The following ANO6 variants were observed in gnomAD, a reference collection of about 807,000 sequenced individuals.
ANO6 encodes the protein anoctamin 6.
A neutral mutation model predicts 117.5 loss-of-function variants in ANO6; 106 were observed. The ratio of observed to expected loss-of-function variants is 0.90; its 90% confidence interval spans 0.77 to 1.06. The LOEUF (loss-of-function observed/expected upper bound fraction) is 1.06, where lower values mean the gene tolerates loss of function less well. Among genes scored for constraint, ANO6 ranks in the 50% least tolerant of loss-of-function variants. The pLI, the probability that ANO6 is intolerant of heterozygous loss-of-function variation, is 0.00. For synonymous variants in ANO6, 367 were observed against 385.1 expected, an observed-to-expected ratio of 0.95 and a Z score of 0.55; for missense variants, 955 against 1,121.1, an observed-to-expected ratio of 0.85 and a Z score of 2.12.
chr12:45,309,393 C>G (rs1939777713), intron 2 of ANO6, among the ~76,000 whole-genome samples: 2 of 152,138 alleles, frequency 1.3e-5, no homozygotes, highest in Admixed American at 6.6e-5. Context: ...AATTTTCTTC[C>G]AAGAACATTG....
At chr12:45,389,093 T>C (rs1942374765) in intron 11 of ANO6, among the ~76,000 whole-genome samples, 3 of 152,186 alleles carry the variant, frequency 2.0e-5, no homozygotes, top group African/African-American at 4.8e-5. Context: ...AAGAAAATGC[T>C]TTTACCAAGA....
At chr12:45,315,591 C>G (rs1939998427) in intron 2 of ANO6, among the ~76,000 whole-genome samples, 3 of 152,054 alleles carry the variant, frequency 2.0e-5, no homozygotes, top group Admixed American at 2.0e-4. Context: ...ACTCACTCTC[C>G]TCCTCACACT....
chr12:45,401,852 A>AT lies in ANO6; in HGVS notation c.1446dup (p.Val483CysfsTer11), dbSNP rs1942797751. The stretch of plus-strand genomic sequence containing the variant: ...CATTGTCTATAGGCTCTCGGTGTTC[A>AT]TTGTATTTTCTGCAAAACTTCCCAA... On this transcript the variant is annotated frameshift_variant, in exon 13 of 20. Transcript: ENST00000320560. LOFTEE classifies it high-confidence loss of function. The AT allele has an allele frequency of 1.2e-6, 2 of 1,613,920 alleles. No homozygotes were observed. Among genetic ancestry groups the AT allele is most frequent in the African/African-American group, 1.3e-5 (1 of 74,960 alleles).
chr12:45,275,769 C>T (rs1443257140), intron 1 of ANO6, among the ~76,000 whole-genome samples: 4 of 152,124 alleles, frequency 2.6e-5, no homozygotes, highest in East Asian at 1.9e-4. Flanking sequence ...TTCCCCCTTC[C>T]CTACTGGCCA....
At chr12:45,323,504 G>A (rs1940351096) in intron 2 of ANO6, among the ~76,000 whole-genome samples, 2 of 152,150 alleles carry the variant, frequency 1.3e-5, no homozygotes, top group South Asian at 2.1e-4. Flanking sequence ...AATAAAGAAC[G>A]GTTACCTATT....
intron 17 of ANO6, among the ~76,000 whole-genome samples, chr12:45,417,958 A>C (rs1317175673): frequency 6.6e-6 from 1 of 152,172 alleles, no homozygotes; most frequent in African/African-American, 2.4e-5. Flanking sequence ...CCAGAGCCCT[A>C]TTTTATTATT....
At chr12:45,298,374 T>G (rs1939366636) in intron 1 of ANO6, among the ~76,000 whole-genome samples, 2 of 152,238 alleles carry the variant, frequency 1.3e-5, no homozygotes, top group South Asian at 4.1e-4. Flanking sequence ...AATTTTGTCT[T>G]GATTCTGCTC....
intron 1 of ANO6, among the ~76,000 whole-genome samples, chr12:45,266,367 T>C (rs1938214336): frequency 6.6e-6 from 1 of 152,206 alleles, no homozygotes; most frequent in Non-Finnish European, 1.5e-5. Context: ...TACCATACTT[T>C]TAAAAATATA....
intron 2 of ANO6, among the ~76,000 whole-genome samples, chr12:45,327,818 G>A (rs1366749364): frequency 1.3e-5 from 2 of 151,694 alleles, no homozygotes; most frequent in South Asian, 2.1e-4. Flanking sequence ...ATTTTTTTGT[G>A]TTGAGTATAT....
rs1184386713 is a variant in ANO6 at position 45,247,442 on chromosome 12, A to G, written c.70+31051A>G. ...TTGGTTGCTAAGATTAAGGATCAGAAAAGTAATTTGCCTAATGTTATGTAG... is the reference window on the plus strand; with the variant it reads ...TTGGTTGCTAAGATTAAGGATCAGAGAAGTAATTTGCCTAATGTTATGTAG... On this transcript the variant is annotated intron_variant, in intron 1 of 19. Coordinates refer to ENST00000320560, the MANE Select transcript of ANO6 (RefSeq NM_001025356.3). Among the ~76,000 whole-genome samples the G allele has an allele frequency of 2.0e-5, 3 of 152,198 alleles. No individual in the cohort carries two copies. The East Asian group carries it at 5.8e-4, about 29-fold the overall frequency.
chr12:45,372,686 T>G (rs1198724469), intron 9 of ANO6, among the ~76,000 whole-genome samples: 16 of 151,958 alleles, frequency 1.1e-4, no homozygotes, highest in African/African-American at 3.9e-4. Context: ...CCACCAGGCC[T>G]GCCCTAAAAG....
At chr12:45,300,774 C>G (rs1939456580) in intron 1 of ANO6, among the ~76,000 whole-genome samples, 1 of 152,150 alleles carries the variant, frequency 6.6e-6, no homozygotes, top group South Asian at 2.1e-4. Flanking sequence ...AGAACATTTT[C>G]TTACATAGCA....
chr12:45,297,966 T>A (rs1045395257), intron 1 of ANO6, among the ~76,000 whole-genome samples: 4 of 152,210 alleles, frequency 2.6e-5, no homozygotes, highest in African/African-American at 7.2e-5. Context: ...GAACCTTGTC[T>A]GGTTCTTCTT....
intron 16 of ANO6, among the ~76,000 whole-genome samples, chr12:45,411,760 G>C (rs1315651109): frequency 6.6e-6 from 1 of 152,146 alleles, no homozygotes; most frequent in Non-Finnish European, 1.5e-5. Context: ...CTGAGCCTCA[G>C]CTGGGCCCCT....
At chr12:45,269,286 T>C (rs1023397834) in intron 1 of ANO6, among the ~76,000 whole-genome samples, 17 of 152,240 alleles carry the variant, frequency 1.1e-4, no homozygotes, top group African/African-American at 3.6e-4. Context: ...CATTTTCACC[T>C]GGGATTTCTA....
chr12:45,429,616 G>T lies in ANO6; in HGVS notation c.*305G>T. Reference sequence around the variant, plus strand: ...AAAACCACCCCTTCTAAAGTAGAATGGATTCTTTTTTTTCTGTTTGATTAT... The same window carrying T: ...AAAACCACCCCTTCTAAAGTAGAATTGATTCTTTTTTTTCTGTTTGATTAT... On this transcript the variant is annotated 3_prime_UTR_variant, in exon 20 of 20. Transcript: ENST00000320560. 8.5e-7 allele frequency: 1 copy of T among 1,175,116 alleles called. No homozygotes were observed. The highest frequency in any genetic ancestry group is 1.1e-6 in the Non-Finnish European group (1 of 943,988). 72.8% of individuals were successfully genotyped at this position (1,175,116 alleles called of 1,614,324 possible). A position where few individuals can be genotyped will look rare whatever the true frequency, so the allele number is the denominator to read the frequency against.
intron 15 of ANO6, 83 bp downstream of exon 15, chr12:45,403,619 A>G (rs376178932): frequency 4.2e-5 from 41 of 986,970 alleles, no homozygotes; most frequent in East Asian, 1.7e-4. Context: ...CTACATAGCC[A>G]CATAGCCACA....
intron 7 of ANO6, among the ~76,000 whole-genome samples, chr12:45,355,422 G>A (rs12301656): frequency 6.6e-6 from 1 of 152,218 alleles, no homozygotes; most frequent in East Asian, 1.9e-4. Context: ...TGCCTGACCA[G>A]CTCTTTAAAT....
chr12:45,225,201 A>C (rs1011176229), intron 1 of ANO6, among the ~76,000 whole-genome samples: 4 of 151,602 alleles, frequency 2.6e-5, no homozygotes, highest in African/African-American at 9.7e-5. Flanking sequence ...AAAAAAAAAA[A>C]ACTCACGATT....
Sources: gnomAD v4.1 joint callset for allele counts (sites outside exome capture counted in the v4.1 genomes callset) on GRCh38, gnomAD v4.1.1 for gene constraint, MANE v1.5 for transcripts, NCBI Gene and HGNC (gene_info 2026-07-23, HGNC 2026-07-21) for gene names.